CRISP1: variants seen among roughly 807,000 people sequenced by gnomAD.
The protein encoded by CRISP1 is cysteine rich secretory protein 1, also known as cysteine-rich secretory protein 1.
A neutral mutation model predicts 33.1 loss-of-function variants in CRISP1; 44 were observed. That is an observed-to-expected ratio of 1.33 (90% CI 1.05 to 1.71). The LOEUF is 1.71. CRISP1 is among the 40% of genes most tolerant of loss of function. The pLI, the probability that CRISP1 is intolerant of heterozygous loss-of-function variation, is 0.00. For missense variants in CRISP1, 390 were observed against 301.2 expected (o/e 1.29, Z -2.18); for synonymous variants, 103 against 98.7 (o/e 1.04, Z -0.26).
In CRISP1 at chr6:49,863,402, C is replaced by T. The variant is rs139846413; in HGVS notation, c.-3+3027G>A. On this transcript the variant is annotated intron_variant, in intron 1 of 7. Transcript: ENST00000335847. ...GCTGCTTGAACTTAGGTAAAGGTAG[C>T]TCTTCTGAACAGAAGTATTACAGAA... Among the ~76,000 whole-genome samples, 13 of 152,286 alleles carry T rather than the reference C, an allele frequency of 8.5e-5. No homozygotes were observed. The East Asian group carries it at 2.3e-3, about 27-fold the overall frequency.
At chr6:49,868,443 T>C (rs1219410134), upstream of CRISP1, among the ~76,000 whole-genome samples, 4 of 152,192 alleles carry the variant, frequency 2.6e-5, no homozygotes, top group Admixed American at 2.0e-4. Context: ...TAAAGGCTAA[T>C]GTGTTTACAA....
intron 7 of CRISP1, 111 bp downstream of exon 7, chr6:49,838,326 T>G: frequency 9.7e-5 from 74 of 759,204 alleles, no homozygotes; most frequent in Non-Finnish European, 1.4e-4. Flanking sequence ...TGTACATGAA[T>G]GAGATGAAAG....
intron 2 of CRISP1, among the ~76,000 whole-genome samples, chr6:49,854,179 C>T (rs1771430571): frequency 6.6e-6 from 1 of 152,142 alleles, no homozygotes. Context: ...TTTCTTTCCT[C>T]CTCTTCTGTG....
In CRISP1 at chr6:49,853,676, C is replaced by A. The variant is rs772649684; in HGVS notation, c.67-1547G>T. ...CTGACTGTTCTTTAATATAATCGAG[C>A]CTTCTAACTCATTCTTCATTTTCTC... On this transcript the variant is annotated intron_variant, in intron 2 of 7. Transcript: ENST00000335847. Among the ~76,000 whole-genome samples the A allele has an allele frequency of 3.9e-5, 6 of 152,250 alleles. No individual in the cohort carries two copies. The South Asian group carries it at 6.2e-4, about 16-fold the overall frequency.
chr6:49,845,339 G>A (rs1015093648), intron 5 of CRISP1, among the ~76,000 whole-genome samples: 3 of 152,122 alleles, frequency 2.0e-5, no homozygotes, highest in Non-Finnish European at 4.4e-5. Context: ...GTGAGAAGGT[G>A]TCAGGCAGAA....
intron 1 of CRISP1, among the ~76,000 whole-genome samples, chr6:49,873,870 T>C (rs1429771504): frequency 6.6e-6 from 1 of 152,082 alleles, no homozygotes; most frequent in Non-Finnish European, 1.5e-5. Context: ...ATCAGAACCA[T>C]AAAGCTGAGC....
At chr6:49,875,578 C>A (rs1002603771) in intron 1 of CRISP1, among the ~76,000 whole-genome samples, 5 of 151,998 alleles carry the variant, frequency 3.3e-5, no homozygotes, top group Middle Eastern at 3.4e-3. Context: ...CAAAGAAGAC[C>A]CCAAATAGCC....
At chr6:49,847,172 AAG>A (rs1164829225) in intron 4 of CRISP1, among the ~76,000 whole-genome samples, 1 of 152,192 alleles carries the variant, frequency 6.6e-6, no homozygotes, top group East Asian at 1.9e-4. Flanking sequence ...GCATTGGACT[AAG>A]ATTCCAAATA....
intron 1 of CRISP1, among the ~76,000 whole-genome samples, chr6:49,876,516 C>G (rs1772038926): frequency 6.6e-6 from 1 of 151,820 alleles, no homozygotes; most frequent in African/African-American, 2.4e-5. Context: ...ACCCTTTGAC[C>G]CAGCAATTTC....
chr6:49,875,148 T>A (rs940046790), intron 1 of CRISP1, among the ~76,000 whole-genome samples: 1 of 152,024 alleles, frequency 6.6e-6, no homozygotes, highest in Non-Finnish European at 1.5e-5. Context: ...CGATCCTATA[T>A]ATAGAAAACT....
At chr6:49,874,711 T>A (rs1771999391) in intron 1 of CRISP1, among the ~76,000 whole-genome samples, 2 of 152,068 alleles carry the variant, frequency 1.3e-5, no homozygotes, top group Non-Finnish European at 2.9e-5. Context: ...TCCACCACGA[T>A]CAAGCTGCCT....
chr6:49,836,491 A>G (rs1403266572), intron 7 of CRISP1, among the ~76,000 whole-genome samples: 2 of 150,926 alleles, frequency 1.3e-5, no homozygotes, highest in South Asian at 2.1e-4. Context: ...GCCCGCCATC[A>G]CGCCCTGCTA....
intron 1 of CRISP1, among the ~76,000 whole-genome samples, chr6:49,861,767 C>T (rs1771660373): frequency 6.6e-6 from 1 of 152,002 alleles, no homozygotes. Context: ...CACCTATAGT[C>T]CTAGCTACTC....
intron 1 of CRISP1, among the ~76,000 whole-genome samples, chr6:49,874,296 C>T (rs1055108101): frequency 3.9e-5 from 6 of 151,916 alleles, no homozygotes; most frequent in Non-Finnish European, 1.5e-5. Flanking sequence ...GTACTGATGC[C>T]TAATGCTATA....
chr6:49,872,577 A>G (rs936640512), intron 1 of CRISP1, among the ~76,000 whole-genome samples: 4 of 152,042 alleles, frequency 2.6e-5, no homozygotes, highest in African/African-American at 7.2e-5. Flanking sequence ...TAATTTTTGT[A>G]TAAGGTGTAA....
rs919878271 is a variant in CRISP1, at chr6:49,858,709, A to C, written c.-2-1307T>G. Among the ~76,000 whole-genome samples the C allele has an allele frequency of 2.0e-5, 3 of 152,144 alleles. 1 individual carries two copies. The highest frequency in any genetic ancestry group is 1.5e-5 in the Non-Finnish European group (1 of 68,042). On this transcript the variant is annotated intron_variant, in intron 1 of 7. Coordinates refer to ENST00000335847, the MANE Select transcript of CRISP1 (RefSeq NM_001131.3). ...GTAATATGGTGACACAGATGATGAA[A>C]TGTCCCTTTCTCTTTCTAATGCTCA...
At chr6:49,868,865 C>A (rs1771859812), upstream of CRISP1, among the ~76,000 whole-genome samples, 1 of 152,156 alleles carries the variant, frequency 6.6e-6, no homozygotes, top group Admixed American at 6.6e-5. Flanking sequence ...TTAACAAATT[C>A]AAACTTATGT....
rs35590668 is a variant in CRISP1, at chr6:49,846,658, A to G, written c.297T>C (p.Cys99=). 3,782 of 1,613,278 alleles carry G rather than the reference A, an allele frequency of 2.3e-3. 52 individuals carry two copies. In the African/African-American group the frequency reaches 0.03, roughly 13 times the overall value. ...PLERRLPNTF[C]GENMHMTSYP... ...AAGATGTCATATGCATATTTTCTCC[A>G]CAAAAGGTATCTGAAATGAGAAAAC... The change falls in exon 5 of 8, where the codon TGT becomes TGC. Residue 99 remains cysteine, a synonymous_variant. Transcript: ENST00000335847.
At chr6:49,851,914 A>G in intron 3 of CRISP1, 87 bp downstream of exon 3, 1 of 1,440,134 alleles carries the variant, frequency 6.9e-7, no homozygotes, top group Non-Finnish European at 9.3e-7. Flanking sequence ...AACTTTTAGC[A>G]CTTTGAAAGT....
Sources: allele counts gnomAD v4.1 joint callset (sites outside exome capture counted in the v4.1 genomes callset), GRCh38; gene constraint gnomAD v4.1.1; transcripts MANE v1.5; gene names NCBI Gene and HGNC (gene_info 2026-07-23, HGNC 2026-07-21).